The following PIEZO2 variants were observed in gnomAD, a reference collection of about 807,000 sequenced individuals.
PIEZO2 encodes piezo type mechanosensitive ion channel component 2.
In PIEZO2, 172 loss-of-function variants were observed where a neutral mutation model predicts 337.3. The observed-to-expected ratio is 0.51, with a 90% CI of 0.45 to 0.58. PIEZO2 has a LOEUF of 0.58. Ranked by LOEUF, PIEZO2 falls within the 20% of genes least tolerant of loss-of-function variation. The pLI is 0.00. For synonymous variants in PIEZO2, 1,251 were observed against 1,228.5 expected, an observed-to-expected ratio of 1.02 and a Z score of -0.38; for missense variants, 3,028 against 3,391.3, an observed-to-expected ratio of 0.89 and a Z score of 2.66.
In PIEZO2 at chr18:10,821,564, A is replaced by G. The variant is rs548630884; in HGVS notation, c.918-14290T>C. The stretch of plus-strand genomic sequence containing the variant: ...ATTTGTAACCAGCTTATACATTAAA[A>G]TGAATAATTACATCTTGCCTTATTT... On this transcript the variant is annotated intron_variant, in intron 7 of 55. Transcript: ENST00000674853. The surrounding 1 kb of genome is among the most constrained non-coding windows in gnomAD (Gnocchi z 4.2). Among the ~76,000 whole-genome samples the G allele has an allele frequency of 1.3e-5, 2 of 152,234 alleles. No homozygotes were observed. Among genetic ancestry groups the G allele is most frequent in the Non-Finnish European group, 2.9e-5 (2 of 68,034 alleles).
Position 10,982,711 on chromosome 18 carries a change from A to T in PIEZO2, c.161-3051T>A, listed in dbSNP as rs2034717309. Among the ~76,000 whole-genome samples, 1 of 152,012 alleles carries T rather than the reference A, an allele frequency of 6.6e-6. No homozygotes were observed. The highest frequency in any genetic ancestry group is 2.4e-5 in the African/African-American group (1 of 41,336). ...ATAGCAGATATTAAAATATGTTATA[A>T]AACCATATGTTTATTTATTTTTTTT... On this transcript the variant is annotated intron_variant, in intron 2 of 55. Transcript: ENST00000674853. This position sits in a 1 kb window ranked among gnomAD's most constrained non-coding sequence, Gnocchi z 4.1.
At chr18:10,718,016 C>T (rs2036084548) in intron 37 of PIEZO2, among the ~76,000 whole-genome samples, 184 bp downstream of exon 37, 1 of 152,170 alleles carries the variant, frequency 6.6e-6, no homozygotes, top group Admixed American at 6.5e-5. Flanking sequence ...AAGTCCAGAC[C>T]TACTTTTAAG....
Position 10,929,595 on chromosome 18 carries a change from G to A in PIEZO2, c.287-18367C>T, listed in dbSNP as rs907251235. ...GGGCTGAGAAGTTATTGGCAAGACT[G>A]TGAGAGGAAAATGCCTCTACCAACC... On this transcript the variant is annotated intron_variant, in intron 3 of 55. Coordinates refer to ENST00000674853, the MANE Select transcript of PIEZO2 (RefSeq NM_001378183.1). This position sits in a 1 kb window ranked among gnomAD's most constrained non-coding sequence, Gnocchi z 5.6. Among the ~76,000 whole-genome samples, 1 of 152,218 alleles carries A rather than the reference G, an allele frequency of 6.6e-6. No homozygotes were observed. Among genetic ancestry groups the A allele is most frequent in the Non-Finnish European group, 1.5e-5 (1 of 68,042 alleles).
intron 2 of PIEZO2, among the ~76,000 whole-genome samples, chr18:11,045,295 C>CAAAAAAAAAAAAA (rs58924653): frequency 1.9e-5 from 1 of 52,340 alleles, no homozygotes; most frequent in Non-Finnish European, 3.6e-5. Context: ...GACTCCGTCT[C>CAAAAAAAAAAAAA]AAAAAAAAAA....
At chr18:10,744,607 T>C (rs1440866071) in intron 30 of PIEZO2, among the ~76,000 whole-genome samples, 2 of 151,962 alleles carry the variant, frequency 1.3e-5, no homozygotes, top group East Asian at 1.9e-4. Flanking sequence ...AGGAGAAATT[T>C]GCAAAAAGGG....
chr18:10,971,495 A>G lies in PIEZO2; in HGVS notation c.286+8040T>C, dbSNP rs1381909826. Among the ~76,000 whole-genome samples the G allele has an allele frequency of 2.0e-5, 3 of 152,286 alleles. No homozygotes were observed. In the East Asian group the frequency reaches 5.8e-4, roughly 29 times the overall value. ...ACAGGACCCACTTGGAGGAGGTGGT[A>G]GGGACGGTGGGTTCAAGGAGGCTGG... On this transcript the variant is annotated intron_variant, in intron 3 of 55. Coordinates refer to ENST00000674853, the MANE Select transcript of PIEZO2 (RefSeq NM_001378183.1).
At chr18:10,949,088 T>G (rs1192018160) in intron 3 of PIEZO2, among the ~76,000 whole-genome samples, 4 of 152,184 alleles carry the variant, frequency 2.6e-5, no homozygotes. Flanking sequence ...ACAGAAATGG[T>G]CATTTGTTGG....
In PIEZO2 at chr18:10,784,701, T is replaced by G; in HGVS notation, c.2492+83A>C. 2.3e-6 allele frequency: 3 copies of G among 1,286,462 alleles called. No individual in the cohort carries two copies. The highest frequency in any genetic ancestry group is 3.1e-6 in the Non-Finnish European group (3 of 979,742). The allele number at this position is 1,286,462 out of a possible 1,614,324, so 79.7% of individuals were successfully genotyped here. Reference sequence around the variant, plus strand: ...GGCTGAAACTTTTAGATTACTGGCTTCTCGCAAGGTGGCCAACCTAAGGTA... The same window carrying G: ...GGCTGAAACTTTTAGATTACTGGCTGCTCGCAAGGTGGCCAACCTAAGGTA... On this transcript the variant is annotated intron_variant, in intron 17 of 55. Coordinates refer to ENST00000674853, the MANE Select transcript of PIEZO2 (RefSeq NM_001378183.1). This position sits in a 1 kb window ranked among gnomAD's most constrained non-coding sequence, Gnocchi z 4.5.
At chr18:10,764,284 CAAGCATTGTGGGCT>C (rs201659558) in intron 21 of PIEZO2, among the ~76,000 whole-genome samples, 61 of 152,106 alleles carry the variant, frequency 4.0e-4, no homozygotes, top group African/African-American at 1.4e-3. Context: ...AAACATGTAC[CAAGCATTGTGGGCT>C]AAGCATTGTG....
chr18:10,851,610 T>A (rs1306774533), intron 7 of PIEZO2, among the ~76,000 whole-genome samples: 12 of 152,224 alleles, frequency 7.9e-5, no homozygotes, highest in African/African-American at 2.9e-4. Flanking sequence ...TGTAGTTCAG[T>A]GCTTGTTTTG....
chr18:10,720,025 G>C (rs566002444), intron 36 of PIEZO2, among the ~76,000 whole-genome samples: 2 of 151,984 alleles, frequency 1.3e-5, no homozygotes, highest in East Asian at 3.9e-4. Context: ...GTTGCTCTGA[G>C]GAAGTACATC....
At chr18:11,073,848 C>CTTTTTT (rs71362202) in intron 1 of PIEZO2, among the ~76,000 whole-genome samples, 4 of 137,174 alleles carry the variant, frequency 2.9e-5, no homozygotes, top group Admixed American at 7.4e-5. Context: ...ATAACAACTG[C>CTTTTTT]TTTTTTTTTT....
rs1599030169 is a variant in PIEZO2 at position 11,146,104 on chromosome 18, G to A, written c.64+2421C>T. Among the ~76,000 whole-genome samples the A allele has an allele frequency of 6.6e-6, 1 of 152,052 alleles. No homozygotes were observed. The highest frequency in any genetic ancestry group is 1.5e-5 in the Non-Finnish European group (1 of 68,016). ...CTGTTACACAGTCATGCACACACTC[G>A]CACACCCAGGTTAGTCTCCCTGAAC... On this transcript the variant is annotated intron_variant, in intron 1 of 55. Transcript: ENST00000674853. The surrounding 1 kb of genome is among the most constrained non-coding windows in gnomAD (Gnocchi z 6.1).
rs1171570229 is a variant in PIEZO2 at position 11,099,962 on chromosome 18, C to T, written c.65-33740G>A. Among the ~76,000 whole-genome samples, 1 of 152,066 alleles carries T rather than the reference C, an allele frequency of 6.6e-6. No individual in the cohort carries two copies. The highest frequency in any genetic ancestry group is 1.5e-5 in the Non-Finnish European group (1 of 68,020). On this transcript the variant is annotated intron_variant, in intron 1 of 55. Transcript: ENST00000674853. This position sits in a 1 kb window ranked among gnomAD's most constrained non-coding sequence, Gnocchi z 5.4. Reference sequence around the variant, plus strand: ...AATTATATAATCACAAATGTTTTCTCCTAGTATGTCATTTGTCTTCATAGT... The same window carrying T: ...AATTATATAATCACAAATGTTTTCTTCTAGTATGTCATTTGTCTTCATAGT...
At chr18:10,751,121 T>C (rs1459216537) in intron 28 of PIEZO2, among the ~76,000 whole-genome samples, 1 of 152,240 alleles carries the variant, frequency 6.6e-6, no homozygotes, top group Non-Finnish European at 1.5e-5. Flanking sequence ...ATAATTATCA[T>C]TAACCCATTG....
intron 3 of PIEZO2, among the ~76,000 whole-genome samples, chr18:10,926,976 C>T (rs1042654970): frequency 1.3e-5 from 2 of 152,242 alleles, no homozygotes; most frequent in Non-Finnish European, 2.9e-5. Context: ...CTCTTCCTAT[C>T]TCCTTTTGTG....
At chr18:10,892,318 T>C (rs918889033) in intron 4 of PIEZO2, among the ~76,000 whole-genome samples, 1 of 152,228 alleles carries the variant, frequency 6.6e-6, no homozygotes, top group African/African-American at 2.4e-5. Flanking sequence ...CAAGTATGGA[T>C]ACTTGTGACT....
rs2031954081 is a variant in PIEZO2 at position 10,929,465 on chromosome 18, T to C, written c.287-18237A>G. On this transcript the variant is annotated intron_variant, in intron 3 of 55. Coordinates refer to ENST00000674853, the MANE Select transcript of PIEZO2 (RefSeq NM_001378183.1). This position sits in a 1 kb window ranked among gnomAD's most constrained non-coding sequence, Gnocchi z 5.6. ...GTAAGATTGGAATGTTTGAACAAAATGCTTTTGCCAGTTGCTTGCTGTAAA... is the reference window on the plus strand; with the variant it reads ...GTAAGATTGGAATGTTTGAACAAAACGCTTTTGCCAGTTGCTTGCTGTAAA... Among the ~76,000 whole-genome samples the C allele has an allele frequency of 6.6e-6, 1 of 152,206 alleles. No homozygotes were observed. Among genetic ancestry groups the C allele is most frequent in the Admixed American group, 6.5e-5 (1 of 15,280 alleles).
rs2033728052 is a variant in PIEZO2 at position 10,670,605 on chromosome 18, A to G, written c.*922T>C. 6.6e-6 allele frequency: 1 copy of G among 152,266 alleles called. No homozygotes were observed. Among genetic ancestry groups the G allele is most frequent in the Admixed American group, 6.5e-5 (1 of 15,280 alleles). The allele number at this position is 152,266 out of a possible 1,614,324, so 9.4% of individuals were successfully genotyped here. Reference sequence around the variant, plus strand: ...GAAGGAAAATGTCACATACTGGAAAAACCATTGCCTTAAATCATGGAAATG... The same window carrying G: ...GAAGGAAAATGTCACATACTGGAAAGACCATTGCCTTAAATCATGGAAATG... On this transcript the variant is annotated 3_prime_UTR_variant, in exon 56 of 56. Transcript: ENST00000674853.
Sources: allele counts gnomAD v4.1 joint callset (sites outside exome capture counted in the v4.1 genomes callset), GRCh38; gene constraint gnomAD v4.1.1; non-coding constraint Gnocchi (gnomAD v3.1); transcripts MANE v1.5; gene names NCBI Gene and HGNC (gene_info 2026-07-23, HGNC 2026-07-21).